The following BCL3 variants were observed in gnomAD, a reference collection of about 807,000 sequenced individuals.
BCL3 encodes the protein B-cell lymphoma 3 protein.
BCL3 carries 15 observed loss-of-function variants against 35.7 expected under a neutral mutation model. The ratio of observed to expected loss-of-function variants is 0.42; its 90% CI spans 0.28 to 0.65. BCL3 has a LOEUF of 0.65. BCL3 is among the 30% of genes least tolerant of loss of function. BCL3 has a pLI of 0.22. For missense variants in BCL3, 565 were observed against 641.7 expected, an observed-to-expected ratio of 0.88 and a Z score of 1.29; for synonymous variants, 311 against 284.3, an observed-to-expected ratio of 1.09 and a Z score of -0.95.
chr19:44,754,195 T>A (rs1380224684), intron 2 of BCL3, among the ~76,000 whole-genome samples: 1 of 151,618 alleles, frequency 6.6e-6, no homozygotes, highest in East Asian at 1.9e-4. Context: ...TAAAGAAGAG[T>A]TAGGGCTATT....
chr19:44,750,440 A>G (rs1213839925), intron 1 of BCL3, among the ~76,000 whole-genome samples: 1 of 152,002 alleles, frequency 6.6e-6, no homozygotes, highest in East Asian at 1.9e-4. Flanking sequence ...CTGGGATTAC[A>G]GGCATGCACC....
At chr19:44,758,927 C>A in intron 8 of BCL3, 86 bp downstream of exon 8, 1 of 1,154,396 alleles carries the variant, frequency 8.7e-7, no homozygotes, top group Non-Finnish European at 1.2e-6. Context: ...TCCCTCAGAT[C>A]CAGGAGTCCA....
chr19:44,747,849 C>T, upstream of BCL3: 1 of 1,150,568 alleles, frequency 8.7e-7, no homozygotes, highest in Non-Finnish European at 1.1e-6. Context: ...ATTTTCCGAG[C>T]ACCCACCCCG....
upstream of BCL3, chr19:44,747,806 G>C: frequency 6.4e-6 from 7 of 1,092,688 alleles, no homozygotes; most frequent in Non-Finnish European, 7.9e-6. Flanking sequence ...CTCTGCGCCT[G>C]TCTCCATGTC....
chr19:44,756,349 C>T lies in BCL3; in HGVS notation c.519+9C>T, dbSNP rs368542370. On this transcript the variant is annotated intron_variant, in intron 3 of 8. Transcript: ENST00000164227. ...ACAACAACCTACGGCAGGTGAGGCT[C>T]GGTCTGAGGGAGGAGGGCTGGGGCC... 28 of 1,461,208 alleles carry T rather than the reference C, an allele frequency of 1.9e-5. No individual in the cohort carries two copies. The African/African-American group carries it at 2.9e-4, about 15-fold the overall frequency. 90.5% of individuals were successfully genotyped at this position (1,461,208 alleles called of 1,614,324 possible).
chr19:44,750,579 A>G (rs1239951335), intron 1 of BCL3, among the ~76,000 whole-genome samples: 1 of 152,192 alleles, frequency 6.6e-6, no homozygotes, highest in African/African-American at 2.4e-5. Context: ...TATTAGAGGC[A>G]TGAGCCACAG....
chr19:44,747,942 AC>A, upstream of BCL3: 2 of 489,234 alleles, frequency 4.1e-6, 1 homozygote, highest in South Asian at 4.5e-5. Flanking sequence ...CCCTCACCCC[AC>A]CCCCAGCCCC....
At chr19:44,758,553 G>A (rs1967345477) in intron 7 of BCL3, 140 bp downstream of exon 7, 1 of 1,317,448 alleles carries the variant, frequency 7.6e-7, no homozygotes. Context: ...TGAAAGCGCG[G>A]GTGTGAGTTC....
intron 2 of BCL3, among the ~76,000 whole-genome samples, chr19:44,753,961 A>G (rs1348635234): frequency 6.6e-6 from 1 of 152,172 alleles, no homozygotes; most frequent in Non-Finnish European, 1.5e-5. Context: ...GGGCAGGACC[A>G]GATACAGAAA....
chr19:44,757,778 G>A lies in BCL3; in HGVS notation c.891+55G>A. On this transcript the variant is annotated intron_variant, in intron 6 of 8. Transcript: ENST00000164227. The surrounding 1 kb of genome is among the most constrained non-coding windows in gnomAD (Gnocchi z 8.4). ...CACCCTATCCTCTGACCCCAACCCG[G>A]CTCTGGCCTCAGCCCCTAGCTCTGA... is the stretch of plus-strand genomic sequence containing the variant. 6.4e-7 allele frequency: 1 copy of A among 1,558,318 alleles called. No homozygotes were observed. The highest frequency in any genetic ancestry group is 8.8e-7 in the Non-Finnish European group (1 of 1,133,640).
In BCL3 at chr19:44,757,154, C is replaced by A; in HGVS notation, c.657C>A (p.Thr219=). The A allele has an allele frequency of 6.3e-7, 1 of 1,588,218 alleles. No homozygotes were observed. Among genetic ancestry groups the A allele is most frequent in the Admixed American group, 1.8e-5 (1 of 56,474 alleles). ...TGGCGTGCGAGCACCGCAGCCCGAC[C>A]TGCCTGCGAGCCCTGCTGGACAGCG... ...AHLACEHRSP[T]CLRALLDSAA... The change falls in exon 4 of 9, where the codon ACC becomes ACA. Residue 219 remains threonine, a synonymous_variant. Transcript: ENST00000164227. The surrounding 1 kb of genome is among the most constrained non-coding windows in gnomAD (Gnocchi z 8.4).
rs778852971 is a variant in BCL3, at chr19:44,758,236, C to T, written c.892-10C>T. On this transcript the variant is annotated splice_polypyrimidine_tract_variant and intron_variant, in intron 6 of 8. Coordinates refer to ENST00000164227, the MANE Select transcript of BCL3 (RefSeq NM_005178.5). ...GCGCGCCCTCCTGACCCGGCCCTCC[C>T]GTCCCGCAGCACGGCGCCAACGTGA... is the stretch of plus-strand genomic sequence containing the variant. 2 of 1,475,152 alleles carry T rather than the reference C, an allele frequency of 1.4e-6. No homozygotes were observed. The highest frequency in any genetic ancestry group is 1.4e-5 in the South Asian group (1 of 72,330). The allele number at this position is 1,475,152 out of a possible 1,614,324, so 91.4% of individuals were successfully genotyped here.
rs114036675 is a variant in BCL3, at chr19:44,759,439, G to C, written c.1189G>C (p.Ala397Pro). The C allele has an allele frequency of 6.3e-7, 1 of 1,597,350 alleles. No individual in the cohort carries two copies. Among genetic ancestry groups the C allele is most frequent in the South Asian group, 1.1e-5 (1 of 90,088 alleles). ...SRLSSNGLLS[A>P]SPSSSPSQSP... ...TCTTCCTTCCTCAGGTCTTCTCTCC[G>C]CATCACCATCCTCCTCACCCTCCCA... The change falls in exon 9 of 9, where the codon GCA becomes CCA. Residue 397 changes from alanine (A) to proline (P), a missense_variant. Ala to Pro is a conservative substitution (Grantham distance 27). This residue lies in a region of BCL3 where 151 missense variants were observed against 138.1 expected (regional missense o/e 1.09). Coordinates refer to ENST00000164227, the MANE Select transcript of BCL3 (RefSeq NM_005178.5).
intron 3 of BCL3, 38 bp from the exon 4 acceptor site, chr19:44,756,979 G>A (rs1427411713): frequency 1.9e-6 from 3 of 1,553,668 alleles, no homozygotes; most frequent in Admixed American, 3.5e-5. Flanking sequence ...CTAGAGAGCA[G>A]GGCTGGACAC....
intron 8 of BCL3, 39 bp from the exon 9 acceptor site, chr19:44,759,389 C>T: frequency 6.5e-7 from 1 of 1,539,156 alleles, no homozygotes; most frequent in Non-Finnish European, 8.9e-7. Flanking sequence ...TGGGTCTAGC[C>T]TCTCACCACC....
At chr19:44,749,701 G>A (rs1967140694) in intron 1 of BCL3, among the ~76,000 whole-genome samples, 1 of 152,124 alleles carries the variant, frequency 6.6e-6, no homozygotes, top group Admixed American at 6.5e-5. Context: ...AGAGACCCGG[G>A]TTTCTGGGTA....
In BCL3 at chr19:44,757,681, C is replaced by A; in HGVS notation, c.849C>A (p.Ala283=). 6.2e-7 allele frequency: 1 copy of A among 1,613,906 alleles called. No homozygotes were observed. The highest frequency in any genetic ancestry group is 8.5e-7 in the Non-Finnish European group (1 of 1,179,916). Reference sequence around the variant, plus strand: ...GCGGCCGCTCCCCGCTCATCCACGCCGTGGAAAACAACAGCCTTAGCATGG... The same window carrying A: ...GCGGCCGCTCCCCGCTCATCCACGCAGTGGAAAACAACAGCCTTAGCATGG... The part of the protein sequence containing the change: ...IKSGRSPLIH[A]VENNSLSMVQ... Residue 283 remains alanine, a synonymous_variant, in exon 6 of 9, where the codon GCC becomes GCA. Coordinates refer to ENST00000164227, the MANE Select transcript of BCL3 (RefSeq NM_005178.5). The surrounding 1 kb of genome is among the most constrained non-coding windows in gnomAD (Gnocchi z 8.4).
Position 44,759,627 on chromosome 19 carries a change from G to T in BCL3, c.*12G>T. 6.3e-7 allele frequency: 1 copy of T among 1,597,158 alleles called. No homozygotes were observed. ...CAGGAGGCAGCTGAGGGGGATGGGG[G>T]GGCAGATCTTGGACTCATGAGGAGG... On this transcript the variant is annotated 3_prime_UTR_variant, in exon 9 of 9. Coordinates refer to ENST00000164227, the MANE Select transcript of BCL3 (RefSeq NM_005178.5).
In BCL3 at chr19:44,757,082, T is replaced by C; in HGVS notation, c.585T>C (p.Gly195=). The change falls in exon 4 of 9, where the codon GGT becomes GGC. Residue 195 remains glycine, a synonymous_variant. Coordinates refer to ENST00000164227, the MANE Select transcript of BCL3 (RefSeq NM_005178.5). The surrounding 1 kb of genome is among the most constrained non-coding windows in gnomAD (Gnocchi z 8.4). The part of the protein sequence containing the change: ...PSVVRLLVTA[G]ASPMALDRHG... ...TGGTCCGGCTCCTGGTGACAGCTGG[T>C]GCCAGCCCCATGGCGCTGGACCGCC... 1 of 1,610,030 alleles carries C rather than the reference T, an allele frequency of 6.2e-7. No homozygotes were observed. Among genetic ancestry groups the C allele is most frequent in the Non-Finnish European group, 8.5e-7 (1 of 1,178,752 alleles).
Sources: allele counts gnomAD v4.1 joint callset (sites outside exome capture counted in the v4.1 genomes callset), GRCh38; gene constraint gnomAD v4.1.1; regional missense constraint gnomAD v4.1.1; non-coding constraint Gnocchi (gnomAD v3.1); transcripts MANE v1.5; gene names NCBI Gene and HGNC (gene_info 2026-07-23, HGNC 2026-07-21).